CC2D2A: variants seen among roughly 807,000 people sequenced by gnomAD.
CC2D2A encodes the protein coiled-coil and C2 domain-containing protein 2A.
Under a neutral mutation model 212.9 loss-of-function variants are expected in CC2D2A, and 155 were observed. The observed-to-expected ratio is 0.73, with a 90% CI of 0.64 to 0.83. The LOEUF is 0.83. CC2D2A is among the 40% of genes least tolerant of loss of function. CC2D2A has a pLI of 0.00. For missense variants in CC2D2A, 1,856 were observed against 1,956.2 expected (o/e 0.95, Z 0.97); for synonymous variants, 667 against 686.5 (o/e 0.97, Z 0.44).
rs987459814 is a variant in CC2D2A at position 15,601,530 on chromosome 4, T to A, written c.*105T>A. The stretch of plus-strand genomic sequence containing the variant: ...AGAAGAACATATTATTGGCAAATAA[T>A]AAAATTATCAACTGTTTTCAAACTG... On this transcript the variant is annotated 3_prime_UTR_variant, in exon 37 of 37. Transcript: ENST00000424120. The A allele has an allele frequency of 7.0e-6, 5 of 719,134 alleles. No individual in the cohort carries two copies. The highest frequency in any genetic ancestry group is 1.1e-5 in the Non-Finnish European group (5 of 466,410). The allele number at this position is 719,134 out of a possible 1,614,324, so 44.5% of individuals were successfully genotyped here. A position where few individuals can be genotyped will look rare whatever the true frequency, so the allele number is the denominator to read the frequency against.
intron 15 of CC2D2A, 144 bp downstream of exon 15, chr4:15,537,220 G>A: frequency 1.5e-6 from 1 of 670,518 alleles, no homozygotes; most frequent in Non-Finnish European, 2.4e-6. Context: ...CCCTGGCTAA[G>A]GGATAAAAGG....
In CC2D2A at chr4:15,538,153, G is replaced by A. The variant is rs746051826; in HGVS notation, c.2003+16G>A. On this transcript the variant is annotated intron_variant, in intron 16 of 36. Transcript: ENST00000424120. ...AGTGCCCCAGGTGAGTGGATGCTCCGACCGTAAATGAGGCTGACATCTGAT... is the reference window on the plus strand; with the variant it reads ...AGTGCCCCAGGTGAGTGGATGCTCCAACCGTAAATGAGGCTGACATCTGAT... The A allele has an allele frequency of 1.1e-5, 17 of 1,521,172 alleles. No individual in the cohort carries two copies. In the Admixed American group the frequency reaches 1.5e-4, roughly 13 times the overall value. 94.2% of individuals were successfully genotyped at this position (1,521,172 alleles called of 1,614,324 possible). A position where few individuals can be genotyped will look rare whatever the true frequency, so the allele number is the denominator to read the frequency against.
At chr4:15,472,035 A>G (rs1465274704) in intron 1 of CC2D2A, among the ~76,000 whole-genome samples, 1 of 152,202 alleles carries the variant, frequency 6.6e-6, no homozygotes, top group Non-Finnish European at 1.5e-5. Context: ...TCAACTGTAA[A>G]TATTTCCAGA....
At chr4:15,570,686 C>G (rs374896712) in intron 28 of CC2D2A, among the ~76,000 whole-genome samples, 190 bp downstream of exon 28, 1 of 152,092 alleles carries the variant, frequency 6.6e-6, no homozygotes, top group East Asian at 1.9e-4. Context: ...GAAACCCCAT[C>G]TCTACTAAAG....
chr4:15,497,567 T>G (rs550078360), intron 4 of CC2D2A, among the ~76,000 whole-genome samples: 236 of 152,328 alleles, frequency 1.5e-3, no homozygotes, highest in Middle Eastern at 3.4e-3. Context: ...TGCCAAAGAT[T>G]TAGAGGAATT....
chr4:15,525,326 A>G (rs1717448283), intron 11 of CC2D2A, among the ~76,000 whole-genome samples: 1 of 152,240 alleles, frequency 6.6e-6, no homozygotes, highest in African/African-American at 2.4e-5. Flanking sequence ...AGCAAGAATG[A>G]GCAGCTGCAA....
intron 23 of CC2D2A, among the ~76,000 whole-genome samples, chr4:15,560,997 G>A (rs1022004712): frequency 2.0e-5 from 3 of 152,068 alleles, no homozygotes; most frequent in Non-Finnish European, 2.9e-5. Context: ...CTCTCCTGTC[G>A]CATGGCAGTA....
At chr4:15,598,822 GTC>G (rs1188899704) in intron 35 of CC2D2A, among the ~76,000 whole-genome samples, 1 of 152,140 alleles carries the variant, frequency 6.6e-6, no homozygotes, top group Non-Finnish European at 1.5e-5. Context: ...TAATTCATCT[GTC>G]TGTATATATA....
chr4:15,545,518 T>C (rs1175462139), intron 17 of CC2D2A, among the ~76,000 whole-genome samples: 5 of 152,212 alleles, frequency 3.3e-5, no homozygotes. Flanking sequence ...GGTGCATAGA[T>C]GTTAACGACC....
rs755968924 is a variant in CC2D2A, at chr4:15,514,670, G to C, written c.718-37G>C. On this transcript the variant is annotated intron_variant, in intron 8 of 36. Coordinates refer to ENST00000424120, the MANE Select transcript of CC2D2A (RefSeq NM_001378615.1). ...ATTATTTTTCTAACTAAGAATCTTA[G>C]CATGATTTTTTCTTGTTACTTTTTA... The C allele has an allele frequency of 8.4e-6, 12 of 1,433,564 alleles. No individual in the cohort carries two copies. In the South Asian group the frequency reaches 2.0e-4, roughly 24 times the overall value. The allele number at this position is 1,433,564 out of a possible 1,614,324, so 88.8% of individuals were successfully genotyped here.
intron 3 of CC2D2A, chr4:15,479,386 G>A: frequency 7.7e-7 from 1 of 1,305,298 alleles, no homozygotes; most frequent in Non-Finnish European, 1.1e-6. Context: ...CAGCTATTGT[G>A]GATGGGAGCT....
intron 4 of CC2D2A, among the ~76,000 whole-genome samples, chr4:15,497,500 A>C (rs1270527524): frequency 1.3e-5 from 2 of 152,210 alleles, no homozygotes; most frequent in African/African-American, 2.4e-5. Flanking sequence ...TGGAAATACT[A>C]GGTTCTCCTT....
chr4:15,518,776 G>A (rs1171666828), intron 11 of CC2D2A, among the ~76,000 whole-genome samples: 2 of 152,250 alleles, frequency 1.3e-5, no homozygotes, highest in Admixed American at 6.5e-5. Context: ...CATGGCCCGA[G>A]TTGTACCTTG....
intron 15 of CC2D2A, among the ~76,000 whole-genome samples, 186 bp downstream of exon 15, chr4:15,537,262 T>C (rs1464517515): frequency 6.6e-6 from 1 of 152,110 alleles, no homozygotes; most frequent in South Asian, 2.1e-4. Context: ...TGCATTTGCT[T>C]AAAAAGCCAC....
intron 21 of CC2D2A, 87 bp downstream of exon 21, chr4:15,557,594 G>A (rs73237169): frequency 2.5e-5 from 21 of 827,220 alleles, no homozygotes; most frequent in Middle Eastern, 3.8e-4. Context: ...TTTTGTTTTT[G>A]TTATGTTGTC....
Position 15,563,452 on chromosome 4 carries a change from G to A in CC2D2A, c.3112G>A (p.Asp1038Asn). 3 of 1,611,986 alleles carry A rather than the reference G, an allele frequency of 1.9e-6. No individual in the cohort carries two copies. The highest frequency in any genetic ancestry group is 2.5e-6 in the Non-Finnish European group (3 of 1,179,092). ...GAAGGTGACAGCCCAAAACCTGTCT[G>A]ATGGAGACATAAAGCTGCTGGTGAA... Reference protein sequence around the residue: ...RKKVTAQNLSDGDIKLLVNIV... With the variant: ...RKKVTAQNLSNGDIKLLVNIV... The change falls in exon 24 of 37, where the codon GAT (aspartate) becomes AAT (asparagine). Residue 1038 changes from aspartate to asparagine, a missense_variant. By Grantham distance (23) the Asp-to-Asn change is conservative. This residue lies in a region of CC2D2A where 1,512 missense variants were observed against 1,579.3 expected (regional missense o/e 0.96). Transcript: ENST00000424120.
chr4:15,584,379 C>G (rs1162563439), intron 30 of CC2D2A, among the ~76,000 whole-genome samples: 1 of 152,100 alleles, frequency 6.6e-6, no homozygotes, highest in Non-Finnish European at 1.5e-5. Flanking sequence ...TTGACTAAGG[C>G]ACCAAGAACA....
At chr4:15,588,017 T>G in intron 32 of CC2D2A, 88 bp downstream of exon 32, 1 of 685,546 alleles carries the variant, frequency 1.5e-6, no homozygotes, top group Admixed American at 2.9e-5. Context: ...CATATTTTCA[T>G]AACGATCCTT....
At position 15,514,751 on chromosome 4, in the gene CC2D2A, A is replaced by G. The variant is rs116198081; in HGVS notation, c.762A>G (p.Leu254=). ...LLNGDDAEDF[L]LGLDHVADDF... is the part of the protein sequence containing the mutation. ...ATGGTGATGATGCCGAGGACTTCCTATTGGGCTTAGATCACGTGGCTGACG... is the reference window on the plus strand; with the variant it reads ...ATGGTGATGATGCCGAGGACTTCCTGTTGGGCTTAGATCACGTGGCTGACG... Residue 254 remains leucine (L), a synonymous_variant, in exon 9 of 37, where the codon CTA becomes CTG. Transcript: ENST00000424120. 1,853 of 1,609,840 alleles carry G rather than the reference A, an allele frequency of 1.2e-3. 18 individuals carry two copies. The African/African-American group carries it at 0.022, about 19-fold the overall frequency.
Sources: gnomAD v4.1 joint callset for allele counts (sites outside exome capture counted in the v4.1 genomes callset) on GRCh38, gnomAD v4.1.1 for gene constraint, gnomAD v4.1.1 regional missense constraint, MANE v1.5 for transcripts, NCBI Gene and HGNC (gene_info 2026-07-23, HGNC 2026-07-21) for gene names.